The following ANKFN1 variants were observed in gnomAD, a reference collection of about 807,000 sequenced individuals.
ANKFN1 encodes the protein ankyrin repeat and fibronectin type-III domain-containing protein 1.
Under a neutral mutation model 108.7 loss-of-function variants are expected in ANKFN1, and 74 were observed. That is an observed-to-expected ratio of 0.68 (90% CI 0.56 to 0.83). ANKFN1 has a LOEUF of 0.83. Among genes scored for constraint, ANKFN1 ranks in the 40% least tolerant of loss-of-function variants. ANKFN1 has a pLI of 0.00. For synonymous variants in ANKFN1, 547 were observed against 516.2 expected, an observed-to-expected ratio of 1.06 and a Z score of -0.81; for missense variants, 1,505 against 1,382.3, an observed-to-expected ratio of 1.09 and a Z score of -1.41.
In ANKFN1 at chr17:56,353,851, G is replaced by T; in HGVS notation, c.406G>T (p.Glu136Ter). ...RKTSVNFQGNEAMFEAVEQQD... is the reference protein window; with the variant it reads ...RKTSVNFQGN ...TCCTCTCTAGAATTTCCAGGGCAAT[G>T]AAGCCATGTTTGAGGCAGTCGAACA... The change falls in exon 6 of 21, where the codon GAA (glutamate) becomes TAA (stop). Residue 136 changes from glutamate to a stop codon, truncating the protein, a stop_gained. Coordinates refer to ENST00000682825, the MANE Select transcript of ANKFN1 (RefSeq NM_001370326.1). LOFTEE classifies it high-confidence loss of function. 1 of 1,613,940 alleles carries T rather than the reference G, an allele frequency of 6.2e-7. No individual in the cohort carries two copies. The highest frequency in any genetic ancestry group is 8.5e-7 in the Non-Finnish European group (1 of 1,179,922).
chr17:56,292,964 G>GC (rs2044404685), intron 3 of ANKFN1, among the ~76,000 whole-genome samples: 1 of 152,136 alleles, frequency 6.6e-6, no homozygotes, highest in South Asian at 2.1e-4. Context: ...TCCTTGCCTT[G>GC]CATATTCATT....
intron 1 of ANKFN1, among the ~76,000 whole-genome samples, chr17:56,200,954 G>A (rs1345072739): frequency 6.6e-6 from 1 of 152,136 alleles, no homozygotes; most frequent in East Asian, 1.9e-4. Context: ...AATTTCTGTG[G>A]TATGCTAGAT....
At chr17:56,344,651 C>A (rs1268818282) in intron 4 of ANKFN1, among the ~76,000 whole-genome samples, 1 of 151,640 alleles carries the variant, frequency 6.6e-6, no homozygotes, top group Non-Finnish European at 1.5e-5. Flanking sequence ...AATTACTAAT[C>A]TTTGTTTTTG....
At chr17:56,439,770 G>A (rs2145155938) in intron 8 of ANKFN1, among the ~76,000 whole-genome samples, 1 of 152,298 alleles carries the variant, frequency 6.6e-6, no homozygotes, top group East Asian at 1.9e-4. Flanking sequence ...CCTTAAGAGA[G>A]GCTTTTCAGT....
chr17:56,159,664 G>A (rs1909460126), intron 1 of ANKFN1, among the ~76,000 whole-genome samples: 1 of 152,148 alleles, frequency 6.6e-6, no homozygotes, highest in Admixed American at 6.6e-5. Flanking sequence ...CCCTTTCCAA[G>A]ACACACGTAT....
At chr17:56,118,697 G>A (rs1354918145) in intron 4 of ANKFN1, among the ~76,000 whole-genome samples, 1 of 152,130 alleles carries the variant, frequency 6.6e-6, no homozygotes, top group African/African-American at 2.4e-5. Flanking sequence ...TGGTGGAACA[G>A]TAGTGAGATA....
chr17:56,056,341 CA>C (rs1567778732), intron 4 of ANKFN1, among the ~76,000 whole-genome samples: 1 of 120,308 alleles, frequency 8.3e-6, no homozygotes, highest in South Asian at 2.6e-4. Flanking sequence ...CACGTGAAAC[CA>C]AAAAAGACCC....
intron 19 of ANKFN1, among the ~76,000 whole-genome samples, chr17:56,497,241 T>C (rs560417732): frequency 6.6e-6 from 1 of 152,280 alleles, no homozygotes; most frequent in African/African-American, 2.4e-5. Flanking sequence ...CCCCAGACTT[T>C]AGATTTCTCC....
chr17:56,406,843 T>C (rs1271991980), intron 8 of ANKFN1, among the ~76,000 whole-genome samples: 2 of 152,142 alleles, frequency 1.3e-5, no homozygotes, highest in Non-Finnish European at 2.9e-5. Flanking sequence ...GAGACCAGCA[T>C]AGTATCATGC....
chr17:56,428,410 A>G (rs2048645792), intron 8 of ANKFN1, among the ~76,000 whole-genome samples: 1 of 149,674 alleles, frequency 6.7e-6, no homozygotes. Flanking sequence ...GACATTAATT[A>G]TATGCTATAT....
At chr17:56,419,895 G>C (rs1275178581) in intron 8 of ANKFN1, among the ~76,000 whole-genome samples, 1 of 151,662 alleles carries the variant, frequency 6.6e-6, no homozygotes, top group Non-Finnish European at 1.5e-5. Flanking sequence ...ATTCCCTTTA[G>C]CATAACCAGC....
intron 1 of ANKFN1, among the ~76,000 whole-genome samples, chr17:56,185,192 T>G (rs1456816200): frequency 1.3e-5 from 2 of 152,204 alleles, no homozygotes; most frequent in Non-Finnish European, 2.9e-5. Context: ...TATACTGATG[T>G]GACTTCCCCC....
intron 2 of ANKFN1, among the ~76,000 whole-genome samples, chr17:56,226,856 A>G (rs1916314877): frequency 6.6e-6 from 1 of 152,100 alleles, no homozygotes; most frequent in Non-Finnish European, 1.5e-5. Flanking sequence ...ACTATTTTAT[A>G]TATATTATTT....
chr17:56,393,786 A>G (rs1170278187), intron 8 of ANKFN1, among the ~76,000 whole-genome samples: 1 of 152,202 alleles, frequency 6.6e-6, no homozygotes. Context: ...AACAAGCACC[A>G]CTGAAGTTCC....
chr17:56,351,193 CTT>C (rs2046238900), intron 5 of ANKFN1, among the ~76,000 whole-genome samples: 1 of 151,654 alleles, frequency 6.6e-6, no homozygotes, highest in African/African-American at 2.4e-5. Flanking sequence ...TTTCTTCTCT[CTT>C]AATTTTTATT....
chr17:56,458,006 C>A lies in ANKFN1; in HGVS notation c.1557+27C>A, dbSNP rs1287508835. ...TAAGGGACCAGGTTTCAACCCAGGC[C>A]CCCAAGGAAAATATTTTTAATGTAG... On this transcript the variant is annotated intron_variant, in intron 14 of 20. Coordinates refer to ENST00000682825, the MANE Select transcript of ANKFN1 (RefSeq NM_001370326.1). 3.2e-6 allele frequency: 5 copies of A among 1,579,142 alleles called. No individual in the cohort carries two copies. The African/African-American group carries it at 4.0e-5, about 13-fold the overall frequency.
intron 3 of ANKFN1, among the ~76,000 whole-genome samples, chr17:56,253,358 A>T (rs913973702): frequency 1.3e-5 from 2 of 152,218 alleles, no homozygotes; most frequent in Non-Finnish European, 2.9e-5. Flanking sequence ...GCTTCTATTA[A>T]TTCAGCAGTG....
intron 1 of ANKFN1, among the ~76,000 whole-genome samples, chr17:56,181,997 C>A (rs778779370): frequency 2.6e-5 from 4 of 152,124 alleles, no homozygotes; most frequent in Admixed American, 6.6e-5. Flanking sequence ...TTACCATTGT[C>A]ATTGTTTTGG....
intron 8 of ANKFN1, among the ~76,000 whole-genome samples, chr17:56,406,522 C>T (rs1462358356): frequency 6.6e-6 from 1 of 152,154 alleles, no homozygotes; most frequent in Admixed American, 6.5e-5. Flanking sequence ...TCTTAAATGA[C>T]AGGAGTGTTT....
Sources: allele counts gnomAD v4.1 joint callset (sites outside exome capture counted in the v4.1 genomes callset), GRCh38; gene constraint gnomAD v4.1.1; transcripts MANE v1.5; gene names NCBI Gene and HGNC (gene_info 2026-07-23, HGNC 2026-07-21).